The following FARP1 variants were observed in gnomAD, a reference collection of about 807,000 sequenced individuals.
FARP1 encodes the protein FERM, ARHGEF and pleckstrin domain-containing protein 1.
Under a neutral mutation model 128.8 loss-of-function variants are expected in FARP1, and 52 were observed. That is an observed-to-expected ratio of 0.40 (90% CI 0.32 to 0.51). FARP1 has a LOEUF of 0.51. FARP1 is among the 20% of genes least tolerant of loss of function. The pLI, the probability that FARP1 is intolerant of heterozygous loss-of-function variation, is 0.45. For synonymous variants in FARP1, 580 were observed against 551.8 expected, an observed-to-expected ratio of 1.05 and a Z score of -0.72; for missense variants, 1,333 against 1,367.9, an observed-to-expected ratio of 0.97 and a Z score of 0.40.
intron 16 of FARP1, among the ~76,000 whole-genome samples, chr13:98,415,666 C>T (rs1450794147): frequency 6.6e-6 from 1 of 152,192 alleles, no homozygotes; most frequent in Non-Finnish European, 1.5e-5. Flanking sequence ...AACAGGCAAC[C>T]CTTGGGCTAA....
intron 2 of FARP1, among the ~76,000 whole-genome samples, chr13:98,295,020 A>G (rs1238430241): frequency 1.4e-5 from 2 of 148,080 alleles, no homozygotes. Flanking sequence ...TCCGTCTCAG[A>G]AAAAAAAAAT....
In FARP1 at chr13:98,147,981, C is replaced by T. The variant is rs114149731; in HGVS notation, c.-24+4489C>T. Reference sequence around the variant, plus strand: ...ACTTGTTATTAGAATTGATAGATTGCAGTTCTGGCAGTTTGATATTTGATT... The same window carrying T: ...ACTTGTTATTAGAATTGATAGATTGTAGTTCTGGCAGTTTGATATTTGATT... On this transcript the variant is annotated intron_variant, in intron 1 of 26. Coordinates refer to ENST00000319562, the MANE Select transcript of FARP1 (RefSeq NM_005766.4). Among the ~76,000 whole-genome samples, 266 of 152,202 alleles carry T rather than the reference C, an allele frequency of 1.7e-3. 1 individual carries two copies. Among genetic ancestry groups the T allele is most frequent in the African/African-American group, 5.7e-3 (237 of 41,526 alleles).
chr13:98,426,549 G>A (rs78448645), intron 17 of FARP1, among the ~76,000 whole-genome samples: 2,333 of 152,278 alleles, frequency 0.015, 21 homozygotes, highest in Middle Eastern at 0.034. Flanking sequence ...GAGGAGGATG[G>A]TCGGTGAGTA....
At chr13:98,216,231 GA>G (rs1201404206) in intron 2 of FARP1, among the ~76,000 whole-genome samples, 6 of 152,200 alleles carry the variant, frequency 3.9e-5, no homozygotes, top group African/African-American at 1.4e-4. Context: ...TGCTGTTTAA[GA>G]GCAGCCACGG....
chr13:98,222,794 ATTTTT>A (rs34198874), intron 2 of FARP1, among the ~76,000 whole-genome samples: 12 of 124,800 alleles, frequency 9.6e-5, no homozygotes, highest in Non-Finnish European at 1.5e-4. Context: ...TGCCCAGCTA[ATTTTT>A]TTTTTTTTTT....
chr13:98,364,024 G>C (rs897374211), intron 3 of FARP1, among the ~76,000 whole-genome samples: 2 of 152,208 alleles, frequency 1.3e-5, no homozygotes, highest in African/African-American at 4.8e-5. Context: ...AGAGGTGTCA[G>C]CCACCGCACC....
chr13:98,346,042 C>T (rs1888164505), intron 3 of FARP1, among the ~76,000 whole-genome samples: 1 of 152,102 alleles, frequency 6.6e-6, no homozygotes, highest in African/African-American at 2.4e-5. Context: ...GTTGTTCACC[C>T]AAAGGCACAC....
intron 3 of FARP1, among the ~76,000 whole-genome samples, chr13:98,355,649 A>G (rs1435376406): frequency 6.6e-6 from 1 of 152,206 alleles, no homozygotes; most frequent in African/African-American, 2.4e-5. Flanking sequence ...TAAAGTGTTA[A>G]TGATGATCTC....
intron 1 of FARP1, chr13:98,208,703 T>C (rs941903410): frequency 6.5e-6 from 1 of 152,720 alleles, no homozygotes; most frequent in Non-Finnish European, 1.5e-5. Context: ...TCCTAGACAG[T>C]GATCAGGTGT....
intron 1 of FARP1, among the ~76,000 whole-genome samples, chr13:98,165,709 GGTTTTTTTTTTTTTTTT>G (rs1877204563): frequency 2.0e-5 from 2 of 102,406 alleles, no homozygotes; most frequent in African/African-American, 6.8e-5. Flanking sequence ...TTCCAGAAGG[GGTTTTTTTTTTTTTTTT>G]TTTTTTTTTT....
intron 6 of FARP1, among the ~76,000 whole-genome samples, chr13:98,383,295 G>GA (rs1336924904): frequency 6.6e-6 from 1 of 152,200 alleles, no homozygotes. Flanking sequence ...CATTTTCTGT[G>GA]ATGGAGCGTG....
intron 19 of FARP1, 128 bp downstream of exon 19, chr13:98,435,834 G>T: frequency 1.0e-6 from 1 of 965,356 alleles, no homozygotes; most frequent in South Asian, 1.3e-5. Flanking sequence ...CCACCTGGGA[G>T]ACAACTGGAA....
At chr13:98,259,164 T>C (rs111556291) in intron 2 of FARP1, among the ~76,000 whole-genome samples, 93 of 152,258 alleles carry the variant, frequency 6.1e-4, no homozygotes, top group African/African-American at 2.2e-3. Flanking sequence ...TGATCCATGG[T>C]TGTGACACTG....
At chr13:98,199,362 C>T (rs1879789727) in intron 1 of FARP1, among the ~76,000 whole-genome samples, 1 of 152,128 alleles carries the variant, frequency 6.6e-6, no homozygotes, top group African/African-American at 2.4e-5. Flanking sequence ...TGTTCTCTTG[C>T]CTGATAGATT....
intron 1 of FARP1, among the ~76,000 whole-genome samples, chr13:98,157,926 T>TGCA (rs1223434199): frequency 6.6e-6 from 1 of 152,260 alleles, no homozygotes; most frequent in Non-Finnish European, 1.5e-5. Context: ...CTTGGCCTTC[T>TGCA]GCAGGATGAG....
rs1893027305 is a variant in FARP1 at position 98,448,739 on chromosome 13, GTT to G, written c.*424_*425del. On this transcript the variant is annotated 3_prime_UTR_variant, in exon 27 of 27. Transcript: ENST00000319562. ...CATTTTACGAAGTGGACTTCCCGGT[GTT>G]TGTTTGTTTGTTTGCAATACACTCA... 4 of 31,272 alleles carry G rather than the reference GTT, an allele frequency of 1.3e-4. 1 individual carries two copies. The highest frequency in any genetic ancestry group is 1.9e-4 in the African/African-American group (2 of 10,404). The allele number at this position is 31,272 out of a possible 1,614,324, so 1.9% of individuals were successfully genotyped here.
At position 98,453,014 on chromosome 13, in the gene FARP1, G is replaced by A; in HGVS notation, c.*4697G>A. ...AGACTTCATCTGGCTGCAGCACAGT[G>A]AAGACTGTGTGTGTCCCTGGACGGG... On this transcript the variant is annotated 3_prime_UTR_variant, in exon 27 of 27. Transcript: ENST00000319562. The A allele has an allele frequency of 1.5e-6, 1 of 688,270 alleles. No individual in the cohort carries two copies. 42.6% of individuals were successfully genotyped at this position (688,270 alleles called of 1,614,324 possible).
chr13:98,329,253 C>T (rs530310179), intron 2 of FARP1: 1 of 152,228 alleles, frequency 6.6e-6, no homozygotes, highest in African/African-American at 2.4e-5. Flanking sequence ...ATGTCATCTT[C>T]TATTTTCTCT....
intron 2 of FARP1, among the ~76,000 whole-genome samples, chr13:98,282,211 G>T (rs1884969399): frequency 6.6e-6 from 1 of 152,136 alleles, no homozygotes; most frequent in Non-Finnish European, 1.5e-5. Flanking sequence ...GGCTGAGGTG[G>T]AAGGGTCACC....
Sources: allele counts gnomAD v4.1 joint callset (sites outside exome capture counted in the v4.1 genomes callset), GRCh38; gene constraint gnomAD v4.1.1; transcripts MANE v1.5; gene names NCBI Gene and HGNC (gene_info 2026-07-23, HGNC 2026-07-21).